The following C10orf71 variants were observed in gnomAD, a reference collection of about 807,000 sequenced individuals.
C10orf71 encodes chromosome 10 open reading frame 71.
For missense variants in C10orf71, 1,869 were observed against 1,804.5 expected (o/e 1.04, Z -0.65); for synonymous variants, 758 against 726.3 (o/e 1.04, Z -0.70).
Position 49,324,953 on chromosome 10 carries a change from A to T in C10orf71, c.2408A>T (p.Glu803Val), listed in dbSNP as rs1849191034. Residue 803 changes from glutamate (E) to valine (V), a missense_variant, in exon 3 of 3, where the codon GAA (glutamate) becomes GTA (valine). Glu to Val is a moderately radical substitution (Grantham distance 121). Coordinates refer to ENST00000374144, the MANE Select transcript of C10orf71 (RefSeq NM_001135196.2). ...AGCCAGGGGGAAGCATTGCAAAGAG[A>T]AAGGGAAAGTGTGTCTGGAGGAAGA... ...NRSQGEALQR[E>V]RESVSGGRTR... 6.4e-7 allele frequency: 1 copy of T among 1,550,828 alleles called. No individual in the cohort carries two copies.
At chr10:49,304,802 C>T (rs1848785784) in intron 1 of C10orf71, among the ~76,000 whole-genome samples, 1 of 152,246 alleles carries the variant, frequency 6.6e-6, no homozygotes, top group South Asian at 2.1e-4. Context: ...AATGTCTCTT[C>T]CTCCAGGAGC....
At chr10:49,319,768 ATAT>A (rs1849064364) in intron 2 of C10orf71, among the ~76,000 whole-genome samples, 2 of 22,996 alleles carry the variant, frequency 8.7e-5, no homozygotes, top group Non-Finnish European at 2.0e-4. Context: ...ATGTATATGT[ATAT>A]CACACACACA....
intron 2 of C10orf71, among the ~76,000 whole-genome samples, chr10:49,321,887 T>G (rs1215074913): frequency 6.6e-6 from 1 of 152,250 alleles, no homozygotes; most frequent in Non-Finnish European, 1.5e-5. Context: ...CTACCCATTT[T>G]TAAATCAGCG....
At position 49,325,675 on chromosome 10, in the gene C10orf71, C is replaced by G. The variant is rs1415684047; in HGVS notation, c.3130C>G (p.Pro1044Ala). 1.3e-6 allele frequency: 2 copies of G among 1,551,912 alleles called. No individual in the cohort carries two copies. Among genetic ancestry groups the G allele is most frequent in the East Asian group, 4.9e-5 (2 of 40,926 alleles). ...HFLSTPRAGPPGRRLVPSERA... is the reference protein window; with the variant it reads ...HFLSTPRAGPAGRRLVPSERA... ...TTTGTCCACACCCAGAGCAGGGCCC[C>G]CTGGCAGAAGACTGGTCCCCAGTGA... The change falls in exon 3 of 3, where the codon CCT becomes GCT. Residue 1044 changes from proline to alanine, a missense_variant. Pro to Ala is a conservative substitution (Grantham distance 27, BLOSUM62 -1). Transcript: ENST00000374144.
At chr10:49,305,953 G>C (rs1352297039) in intron 1 of C10orf71, among the ~76,000 whole-genome samples, 1 of 152,208 alleles carries the variant, frequency 6.6e-6, no homozygotes, top group Non-Finnish European at 1.5e-5. Context: ...TATAAGAAGG[G>C]TAAGCTTTGC....
At chr10:49,321,571 A>G (rs1445105552) in intron 2 of C10orf71, among the ~76,000 whole-genome samples, 1 of 152,222 alleles carries the variant, frequency 6.6e-6, no homozygotes, top group Non-Finnish European at 1.5e-5. Flanking sequence ...GTACCCAGAT[A>G]TGGGAATGTT....
intron 1 of C10orf71, among the ~76,000 whole-genome samples, chr10:49,309,935 A>G (rs1848882027): frequency 6.6e-6 from 1 of 152,202 alleles, no homozygotes; most frequent in East Asian, 1.9e-4. Flanking sequence ...CCCTTCTCTA[A>G]GAAGTGAAAG....
rs556667152 is a variant in C10orf71 at position 49,323,235 on chromosome 10, C to T, written c.690C>T (p.His230=). ...CCAAGAATCCAGAAATGGCCTGTCA[C>T]GGCTCCAGCAGCTTCCTCCCAGCAG... ...ESSKNPEMAC[H]GSSSFLPAAN... The change falls in exon 3 of 3, where the codon CAC becomes CAT. Residue 230 remains histidine, a synonymous_variant. Transcript: ENST00000374144. 77 of 1,613,844 alleles carry T rather than the reference C, an allele frequency of 4.8e-5. No homozygotes were observed. The highest frequency in any genetic ancestry group is 3.3e-4 in the Middle Eastern group (2 of 6,062).
chr10:49,313,172 G>C (rs955617484), intron 1 of C10orf71, among the ~76,000 whole-genome samples: 1 of 152,200 alleles, frequency 6.6e-6, no homozygotes, highest in African/African-American at 2.4e-5. Context: ...ATGATAAAGG[G>C]ATGTAACGGG....
In C10orf71 at chr10:49,326,390, C is replaced by G. The variant is rs1283719804; in HGVS notation, c.3845C>G (p.Ser1282Cys). 4 of 1,550,442 alleles carry G rather than the reference C, an allele frequency of 2.6e-6. No individual in the cohort carries two copies. The South Asian group carries it at 4.8e-5, about 18-fold the overall frequency. ...ATQKVLQDPQ[S>C]GEYFVFDLPL... ...CAGAAGGTCCTCCAGGATCCGCAGT[C>G]CGGGGAGTACTTTGTCTTCGACTTG... The change falls in exon 3 of 3, where the codon TCC (serine) becomes TGC (cysteine). Residue 1282 changes from serine (S) to cysteine (C), a missense_variant. Physicochemically the swap from Ser to Cys is moderately radical, Grantham distance 112. Transcript: ENST00000374144.
intron 2 of C10orf71, among the ~76,000 whole-genome samples, chr10:49,316,527 A>T (rs73307884): frequency 6.6e-6 from 1 of 152,198 alleles, no homozygotes; most frequent in African/African-American, 2.4e-5. Context: ...TAGAATGAGG[A>T]TATAAACCCA....
At chr10:49,307,498 G>A (rs1018866105) in intron 1 of C10orf71, among the ~76,000 whole-genome samples, 1 of 152,236 alleles carries the variant, frequency 6.6e-6, no homozygotes, top group Non-Finnish European at 1.5e-5. Flanking sequence ...CAGAAACTGC[G>A]CAAAGAGGTG....
chr10:49,326,216 C>T lies in C10orf71; in HGVS notation c.3671C>T (p.Pro1224Leu). The change falls in exon 3 of 3, where the codon CCC becomes CTC. Residue 1224 changes from proline to leucine, a missense_variant. Physicochemically the swap from Pro to Leu is moderately conservative, Grantham distance 98 (BLOSUM62 -3). Transcript: ENST00000374144. ...LEQTQQRPLC[P>L]RERPRHNFPV... ...CAGACACAGCAAAGGCCGCTGTGCC[C>T]CAGAGAGAGGCCCCGACACAATTTC... 1 of 1,551,078 alleles carries T rather than the reference C, an allele frequency of 6.4e-7. No homozygotes were observed. Among genetic ancestry groups the T allele is most frequent in the Non-Finnish European group, 8.7e-7 (1 of 1,146,958 alleles).
intron 2 of C10orf71, among the ~76,000 whole-genome samples, chr10:49,318,259 A>G (rs1176562051): frequency 6.6e-6 from 1 of 152,220 alleles, no homozygotes; most frequent in Non-Finnish European, 1.5e-5. Flanking sequence ...GACCACAGCC[A>G]TGTCCTCTGG....
At chr10:49,301,616 T>C (rs1241011991) in intron 1 of C10orf71, among the ~76,000 whole-genome samples, 5 of 152,160 alleles carry the variant, frequency 3.3e-5, no homozygotes, top group African/African-American at 4.8e-5. Flanking sequence ...TACAGTGTGA[T>C]TAATCCACAG....
chr10:49,311,186 C>G (rs1191837061), intron 1 of C10orf71, among the ~76,000 whole-genome samples: 4 of 152,090 alleles, frequency 2.6e-5, no homozygotes, highest in African/African-American at 9.7e-5. Flanking sequence ...GGACCTCCAG[C>G]GTCACCCAGT....
chr10:49,322,328 T>C, intron 2 of C10orf71, 74 bp from the exon 3 acceptor site: 1 of 512,850 alleles, frequency 1.9e-6, no homozygotes, highest in East Asian at 3.5e-5. Flanking sequence ...GGCACCATTT[T>C]CCACCTGAAC....
intron 2 of C10orf71, among the ~76,000 whole-genome samples, chr10:49,320,375 C>A (rs1360994329): frequency 6.6e-6 from 1 of 152,168 alleles, no homozygotes; most frequent in Non-Finnish European, 1.5e-5. Flanking sequence ...ACTGGCCACC[C>A]CCACAGGCTG....
chr10:49,302,400 C>G (rs1848743954), intron 1 of C10orf71, among the ~76,000 whole-genome samples: 1 of 152,230 alleles, frequency 6.6e-6, no homozygotes, highest in South Asian at 2.1e-4. Flanking sequence ...CTCAGGCCCC[C>G]TGGGCTACAA....
Sources: gnomAD v4.1 joint callset for allele counts (sites outside exome capture counted in the v4.1 genomes callset) on GRCh38, gnomAD v4.1.1 for gene constraint, MANE v1.5 for transcripts, NCBI Gene and HGNC (gene_info 2026-07-23, HGNC 2026-07-21) for gene names.